Variants in HCRTR2 observed in about 807,000 individuals in gnomAD.
The protein encoded by HCRTR2 is hypocretin receptor 2.
In HCRTR2, 22 loss-of-function variants were observed where a neutral mutation model predicts 49.0. That is an observed-to-expected ratio of 0.45 (90% CI 0.32 to 0.64). The LOEUF (loss-of-function observed/expected upper bound fraction) is 0.64. Ranked by LOEUF, HCRTR2 falls within the 30% of genes least tolerant of loss-of-function variation. The probability of loss-of-function intolerance (pLI) is 0.04; values close to 1 mark genes in which losing one functional copy is unlikely to be tolerated. For synonymous variants in HCRTR2, 236 were observed against 205.3 expected, an observed-to-expected ratio of 1.15 and a Z score of -1.28; for missense variants, 491 against 559.4, an observed-to-expected ratio of 0.88 and a Z score of 1.23.
At chr6:55,211,924 C>G (rs986759312) in intron 1 of HCRTR2, among the ~76,000 whole-genome samples, 4 of 152,038 alleles carry the variant, frequency 2.6e-5, no homozygotes, top group African/African-American at 9.7e-5. Context: ...CAGGGAGCCC[C>G]TGAGTATTGT....
At chr6:55,278,435 C>T (rs772565489) in intron 5 of HCRTR2, among the ~76,000 whole-genome samples, 1 of 152,264 alleles carries the variant, frequency 6.6e-6, no homozygotes, top group Middle Eastern at 3.4e-3. Flanking sequence ...TATTATATTC[C>T]TCACAGCTGG....
At chr6:55,205,535 T>C (rs547072315) in intron 1 of HCRTR2, among the ~76,000 whole-genome samples, 6 of 152,040 alleles carry the variant, frequency 3.9e-5, no homozygotes, top group Non-Finnish European at 8.8e-5. Context: ...AGTGTAGTAA[T>C]AGAAAGATGC....
intron 1 of HCRTR2, among the ~76,000 whole-genome samples, chr6:55,166,186 T>C (rs1764875681): frequency 6.6e-6 from 1 of 152,144 alleles, no homozygotes; most frequent in South Asian, 2.1e-4. Context: ...CACTTGATCA[T>C]GGTGTATTAT....
At chr6:55,240,037 A>G (rs1003630601) in intron 1 of HCRTR2, among the ~76,000 whole-genome samples, 2 of 151,788 alleles carry the variant, frequency 1.3e-5, no homozygotes, top group African/African-American at 4.8e-5. Context: ...TCGTTCTCCC[A>G]AAGTGCCGGG....
chr6:55,123,859 G>C (rs1221506064), intron 1 of HCRTR2, among the ~76,000 whole-genome samples: 1 of 152,168 alleles, frequency 6.6e-6, no homozygotes, highest in Admixed American at 6.6e-5. Context: ...ACTTGGGAGA[G>C]TGTATGTGTC....
chr6:55,225,258 T>C (rs773478400), intron 1 of HCRTR2, among the ~76,000 whole-genome samples: 32 of 152,318 alleles, frequency 2.1e-4, no homozygotes, highest in Admixed American at 9.8e-4. Flanking sequence ...TTTGTCTCCA[T>C]TAGTGTGTCA....
intron 5 of HCRTR2, among the ~76,000 whole-genome samples, chr6:55,279,738 T>A (rs1457379962): frequency 6.6e-6 from 1 of 152,084 alleles, no homozygotes; most frequent in Non-Finnish European, 1.5e-5. Context: ...AAACATTTTT[T>A]AAAGTTTAAA....
intron 2 of HCRTR2, among the ~76,000 whole-genome samples, chr6:55,254,242 A>G (rs1157427842): frequency 6.6e-6 from 1 of 152,168 alleles, no homozygotes; most frequent in African/African-American, 2.4e-5. Flanking sequence ...TCTGTAAAAA[A>G]AAATGTAAAA....
intron 1 of HCRTR2, among the ~76,000 whole-genome samples, chr6:55,163,634 A>G (rs1764837831): frequency 6.6e-6 from 1 of 152,226 alleles, no homozygotes; most frequent in African/African-American, 2.4e-5. Context: ...CTCAAGATGG[A>G]TTAAAGACTT....
chr6:55,122,459 C>T (rs1176508398), intron 1 of HCRTR2, among the ~76,000 whole-genome samples: 2 of 152,020 alleles, frequency 1.3e-5, no homozygotes, highest in Non-Finnish European at 2.9e-5. Flanking sequence ...GTGTCTCTAT[C>T]TCCTTCAGTT....
chr6:55,127,261 A>G (rs903622278), intron 1 of HCRTR2, among the ~76,000 whole-genome samples: 1 of 152,130 alleles, frequency 6.6e-6, no homozygotes, highest in Non-Finnish European at 1.5e-5. Flanking sequence ...GAAGCACAGT[A>G]TCTGGGCTGG....
At chr6:55,223,038 A>T (rs1765928345) in intron 1 of HCRTR2, among the ~76,000 whole-genome samples, 1 of 152,202 alleles carries the variant, frequency 6.6e-6, no homozygotes, top group Non-Finnish European at 1.5e-5. Flanking sequence ...GAGTTTACTT[A>T]ATTTGTTAAT....
intron 1 of HCRTR2, among the ~76,000 whole-genome samples, chr6:55,214,993 A>G (rs932833498): frequency 6.6e-6 from 1 of 152,126 alleles, no homozygotes; most frequent in Admixed American, 6.6e-5. Flanking sequence ...AGAAAAGGAC[A>G]GAAAAATAGG....
intron 1 of HCRTR2, among the ~76,000 whole-genome samples, chr6:55,136,255 TG>T (rs1485294996): frequency 1.3e-5 from 2 of 152,192 alleles, no homozygotes; most frequent in Non-Finnish European, 2.9e-5. Flanking sequence ...TTGAAACAGC[TG>T]GTTGTCATGG....
intron 4 of HCRTR2, among the ~76,000 whole-genome samples, chr6:55,275,768 G>A (rs941686265): frequency 1.9e-4 from 29 of 151,820 alleles, no homozygotes; most frequent in African/African-American, 6.8e-4. Context: ...GTGCCACCAC[G>A]CCCAGCTAAT....
upstream of HCRTR2, among the ~76,000 whole-genome samples, chr6:55,171,648 G>C (rs1001207954): frequency 1.3e-5 from 2 of 152,170 alleles, no homozygotes; most frequent in African/African-American, 4.8e-5. Flanking sequence ...AGAAATCATA[G>C]ATAGAAGGAA....
chr6:55,192,476 A>T lies in HCRTR2; in HGVS notation c.223+17666A>T, dbSNP rs1765336718. On this transcript the variant is annotated intron_variant, in intron 1 of 6. Coordinates refer to ENST00000370862, the MANE Select transcript of HCRTR2 (RefSeq NM_001384272.1). Reference sequence around the variant, plus strand: ...AATGATTACACGCCTGTGGTCCCAGATACTTGGGAGGCTGAGGTGGGAAAA... The same window carrying T: ...AATGATTACACGCCTGTGGTCCCAGTTACTTGGGAGGCTGAGGTGGGAAAA... Among the ~76,000 whole-genome samples the T allele has an allele frequency of 2.0e-5, 3 of 151,914 alleles. No individual in the cohort carries two copies. In the South Asian group the frequency reaches 6.2e-4, roughly 32 times the overall value.
intron 3 of HCRTR2, among the ~76,000 whole-genome samples, chr6:55,262,235 CAACTGTTTCCCCAA>C (rs1766771489): frequency 6.7e-6 from 1 of 149,856 alleles, no homozygotes; most frequent in East Asian, 2.0e-4. Flanking sequence ...AACCAAACAC[CAACTGTTTCCCCAA>C]AACCTATCGG....
chr6:55,115,099 C>A (rs899026308), intron 1 of HCRTR2, among the ~76,000 whole-genome samples: 3 of 151,770 alleles, frequency 2.0e-5, no homozygotes, highest in African/African-American at 7.2e-5. Context: ...GGTGTACTAC[C>A]TTAGCATAGT....
Sources: allele counts gnomAD v4.1 joint callset (sites outside exome capture counted in the v4.1 genomes callset), GRCh38; gene constraint gnomAD v4.1.1; transcripts MANE v1.5; gene names NCBI Gene and HGNC (gene_info 2026-07-23, HGNC 2026-07-21).